The following KHDRBS2 variants were observed in gnomAD, a reference collection of about 807,000 sequenced individuals.
The protein encoded by KHDRBS2 is KH domain-containing, RNA-binding, signal transduction-associated protein 2.
In KHDRBS2, 26 loss-of-function variants were observed where a neutral mutation model predicts 44.3. The observed-to-expected ratio is 0.59, with a 90% CI of 0.43 to 0.81. The LOEUF is 0.81. Among genes scored for constraint, KHDRBS2 ranks in the 40% least tolerant of loss-of-function variants. KHDRBS2 has a pLI of 0.00. For missense variants in KHDRBS2, 476 were observed against 433.1 expected (o/e 1.10, Z -0.88); for synonymous variants, 194 against 151.1 (o/e 1.28, Z -2.08).
intron 1 of KHDRBS2, among the ~76,000 whole-genome samples, chr6:62,201,516 A>T (rs1826985972): frequency 6.6e-6 from 1 of 152,138 alleles, no homozygotes; most frequent in African/African-American, 2.4e-5. Flanking sequence ...CACATAGAAA[A>T]TACACGCTTC....
At chr6:61,718,061 GA>G (rs1051954408) in intron 7 of KHDRBS2, among the ~76,000 whole-genome samples, 5 of 151,802 alleles carry the variant, frequency 3.3e-5, no homozygotes, top group Non-Finnish European at 4.4e-5. Flanking sequence ...ATAAAATGAG[GA>G]AAAAAATACC....
intron 2 of KHDRBS2, among the ~76,000 whole-genome samples, chr6:62,161,036 A>G (rs1383494063): frequency 6.6e-6 from 1 of 152,024 alleles, no homozygotes; most frequent in Non-Finnish European, 1.5e-5. Flanking sequence ...TATGATTTTG[A>G]CTACTTAAGT....
At chr6:62,028,344 CTT>C (rs1783747599) in intron 3 of KHDRBS2, among the ~76,000 whole-genome samples, 1 of 152,008 alleles carries the variant, frequency 6.6e-6, no homozygotes, top group African/African-American at 2.4e-5. Context: ...CTGGATAAGA[CTT>C]AAGATTCCTA....
chr6:62,137,002 T>C (rs1163665640), intron 2 of KHDRBS2, among the ~76,000 whole-genome samples: 5 of 135,764 alleles, frequency 3.7e-5, no homozygotes, highest in South Asian at 2.5e-4. Context: ...TCTTTTTTTT[T>C]TTTTTTTTTT....
At chr6:62,246,102 T>TCA (rs1835498957) in intron 1 of KHDRBS2, among the ~76,000 whole-genome samples, 1 of 124,338 alleles carries the variant, frequency 8.0e-6, no homozygotes, top group South Asian at 2.7e-4. Context: ...TCAATCAATT[T>TCA]TATATATATA....
At chr6:62,089,511 G>C (rs1799095068) in intron 2 of KHDRBS2, among the ~76,000 whole-genome samples, 1 of 152,114 alleles carries the variant, frequency 6.6e-6, no homozygotes, top group Non-Finnish European at 1.5e-5. Flanking sequence ...CTTTTCAGGT[G>C]AGGTGATGCC....
intron 3 of KHDRBS2, among the ~76,000 whole-genome samples, chr6:62,035,498 G>C (rs1478365340): frequency 6.6e-6 from 1 of 151,984 alleles, no homozygotes; most frequent in Admixed American, 6.6e-5. Context: ...AAGCTGGGAA[G>C]GGGTTAGTGG....
chr6:61,612,575 G>A, the KHDRBS2 span, among the ~76,000 whole-genome samples: 1 of 152,126 alleles, frequency 6.6e-6, no homozygotes, highest in Non-Finnish European at 1.5e-5. Flanking sequence ...CATAGTGCCA[G>A]GCACAAAAGA....
In KHDRBS2 at chr6:61,905,644, CAG is replaced by C. The variant is rs1804835887; in HGVS notation, c.484-4275_484-4274del. ...AAAACAGTAAAATTATGTATAGAGA[CAG>C]AACTTTTCTAATCATAATTTTAATG... On this transcript the variant is annotated intron_variant, in intron 4 of 8. Coordinates refer to ENST00000281156, the MANE Select transcript of KHDRBS2 (RefSeq NM_152688.4). Among the ~76,000 whole-genome samples the C allele has an allele frequency of 3.3e-5, 5 of 152,164 alleles. No homozygotes were observed. The South Asian group carries it at 8.3e-4, about 25-fold the overall frequency.
intron 3 of KHDRBS2, among the ~76,000 whole-genome samples, chr6:62,032,983 T>C (rs912146336): frequency 6.6e-6 from 1 of 151,878 alleles, no homozygotes; most frequent in Non-Finnish European, 1.5e-5. Context: ...AGAAAAGGAA[T>C]TCAGAATTCT....
chr6:61,597,096 G>A, the KHDRBS2 span, among the ~76,000 whole-genome samples: 1 of 152,186 alleles, frequency 6.6e-6, no homozygotes, highest in African/African-American at 2.4e-5. Flanking sequence ...TGATAGTCAG[G>A]AAAAGTATCT....
At chr6:62,092,737 T>A (rs2127365090) in intron 2 of KHDRBS2, among the ~76,000 whole-genome samples, 1 of 152,258 alleles carries the variant, frequency 6.6e-6, no homozygotes, top group South Asian at 2.1e-4. Flanking sequence ...GTAAAAAGCA[T>A]TTAACAATGA....
At chr6:61,816,321 G>T (rs1582986770) in intron 6 of KHDRBS2, among the ~76,000 whole-genome samples, 1 of 152,026 alleles carries the variant, frequency 6.6e-6, no homozygotes, top group South Asian at 2.1e-4. Flanking sequence ...GGATCCATGG[G>T]ATTAGCATGG....
chr6:62,269,190 G>A (rs1839683896), intron 1 of KHDRBS2, among the ~76,000 whole-genome samples: 1 of 151,974 alleles, frequency 6.6e-6, no homozygotes, highest in African/African-American at 2.4e-5. Context: ...CTTGATATAG[G>A]CAAAGATTTC....
At chr6:62,077,640 C>A (rs1157446896) in intron 2 of KHDRBS2, among the ~76,000 whole-genome samples, 2 of 151,912 alleles carry the variant, frequency 1.3e-5, no homozygotes, top group African/African-American at 4.8e-5. Context: ...TGGTGCCACC[C>A]CTTGGAGAAA....
intron 6 of KHDRBS2, among the ~76,000 whole-genome samples, chr6:61,893,876 T>C (rs1393956880): frequency 2.0e-5 from 3 of 151,782 alleles, no homozygotes; most frequent in Non-Finnish European, 4.4e-5. Flanking sequence ...TGTGCACATG[T>C]ACCCTAAAAC....
intron 4 of KHDRBS2, among the ~76,000 whole-genome samples, chr6:61,940,589 G>T (rs1360428011): frequency 6.6e-6 from 1 of 152,098 alleles, no homozygotes; most frequent in African/African-American, 2.4e-5. Context: ...ACCACTCCTG[G>T]TCAGAATTCA....
At chr6:61,783,368 C>T (rs1215745152) in intron 6 of KHDRBS2, among the ~76,000 whole-genome samples, 2 of 152,082 alleles carry the variant, frequency 1.3e-5, no homozygotes, top group East Asian at 1.9e-4. Context: ...TCTAGCCCAG[C>T]GCTTTCCATG....
At chr6:62,175,215 T>C (rs1820849547) in intron 2 of KHDRBS2, among the ~76,000 whole-genome samples, 1 of 151,662 alleles carries the variant, frequency 6.6e-6, no homozygotes, top group Non-Finnish European at 1.5e-5. Flanking sequence ...AAAGTTATCT[T>C]ATGTGTGATA....
Sources: allele counts gnomAD v4.1 joint callset (sites outside exome capture counted in the v4.1 genomes callset), GRCh38; gene constraint gnomAD v4.1.1; transcripts MANE v1.5; gene names NCBI Gene and HGNC (gene_info 2026-07-23, HGNC 2026-07-21).